MAGI2: variants seen among roughly 807,000 people sequenced by gnomAD.
MAGI2 encodes membrane-associated guanylate kinase, WW and PDZ domain-containing protein 2.
MAGI2 carries 35 observed loss-of-function variants against 133.3 expected under a neutral mutation model. That is an observed-to-expected ratio of 0.26 (90% CI 0.20 to 0.35). MAGI2 has a LOEUF of 0.35. Ranked by LOEUF, MAGI2 falls within the 10% of genes least tolerant of loss-of-function variation. The pLI is 1.00. For missense variants in MAGI2, 1,636 were observed against 1,863.4 expected (o/e 0.88, Z 2.25); for synonymous variants, 729 against 710.6 (o/e 1.03, Z -0.41).
At chr7:78,443,083 T>G (rs1787782117) in intron 6 of MAGI2, among the ~76,000 whole-genome samples, 1 of 131,440 alleles carries the variant, frequency 7.6e-6, no homozygotes, top group Non-Finnish European at 1.6e-5. Context: ...TGTGGCCCTG[T>G]GCGTCCCTTC....
chr7:78,821,705 C>T (rs1046433718), intron 2 of MAGI2, among the ~76,000 whole-genome samples: 1 of 151,888 alleles, frequency 6.6e-6, no homozygotes, highest in African/African-American at 2.4e-5. Context: ...TTCATTTCCT[C>T]TCTCTAATGT....
chr7:79,417,622 C>G (rs1846625534), intron 1 of MAGI2, among the ~76,000 whole-genome samples: 1 of 152,038 alleles, frequency 6.6e-6, no homozygotes, highest in South Asian at 2.1e-4. Context: ...GATACAGTAA[C>G]ATATTTGCTG....
At chr7:78,037,232 G>T (rs1316944907) in intron 21 of MAGI2, among the ~76,000 whole-genome samples, 1 of 152,126 alleles carries the variant, frequency 6.6e-6, no homozygotes, top group Non-Finnish European at 1.5e-5. Context: ...TAGGGTGGGG[G>T]TGGAGTGGTG....
chr7:78,914,517 C>T (rs1475853565), intron 2 of MAGI2, among the ~76,000 whole-genome samples: 1 of 151,990 alleles, frequency 6.6e-6, no homozygotes, highest in Admixed American at 6.6e-5. Flanking sequence ...CTTTTGTGCC[C>T]TGGAGTAACT....
At chr7:78,933,961 G>C (rs1800328347) in intron 2 of MAGI2, among the ~76,000 whole-genome samples, 1 of 152,046 alleles carries the variant, frequency 6.6e-6, no homozygotes, top group Admixed American at 6.6e-5. Context: ...TAAAAATACA[G>C]TGTACAATAA....
chr7:79,119,906 C>G lies in MAGI2; in HGVS notation c.302-112700G>C, dbSNP rs73703634. 4.8e-3 allele frequency among the ~76,000 whole-genome samples: 725 copies of G among 152,190 alleles called. 5 individuals are homozygous for G. Among genetic ancestry groups the G allele is most frequent in the African/African-American group, 0.017 (692 of 41,564 alleles). On this transcript the variant is annotated intron_variant, in intron 1 of 21. Transcript: ENST00000354212. ...AAACATAGAAACTAAAAGAAACTCT[C>G]TGATTAAGAGCATTAACGATAAGGT...
chr7:78,292,904 C>T (rs993183471), intron 9 of MAGI2, among the ~76,000 whole-genome samples: 7 of 152,252 alleles, frequency 4.6e-5, no homozygotes, highest in African/African-American at 1.7e-4. Flanking sequence ...AAACTGGACC[C>T]CTTCCTTACA....
intron 2 of MAGI2, among the ~76,000 whole-genome samples, chr7:78,722,604 A>C (rs1448858047): frequency 1.3e-5 from 2 of 152,090 alleles, no homozygotes; most frequent in Non-Finnish European, 2.9e-5. Context: ...CTCTGGCTTC[A>C]TTTTCAGGCA....
intron 2 of MAGI2, among the ~76,000 whole-genome samples, chr7:79,004,751 T>C (rs1180143022): frequency 6.6e-6 from 1 of 152,050 alleles, no homozygotes; most frequent in East Asian, 1.9e-4. Flanking sequence ...AATTAGAAAT[T>C]CAAAAAAGAT....
intron 6 of MAGI2, among the ~76,000 whole-genome samples, chr7:78,389,365 T>A (rs898909641): frequency 1.3e-5 from 2 of 152,178 alleles, no homozygotes; most frequent in African/African-American, 4.8e-5. Context: ...GCTATTGAGT[T>A]CTGAAGAATA....
intron 2 of MAGI2, among the ~76,000 whole-genome samples, chr7:78,706,154 C>T (rs562895921): frequency 2.0e-5 from 3 of 152,068 alleles, no homozygotes; most frequent in Non-Finnish European, 2.9e-5. Context: ...GTGTCCCCCC[C>T]CAAATCTCAA....
intron 3 of MAGI2, among the ~76,000 whole-genome samples, chr7:78,527,005 T>A (rs1797011909): frequency 6.1e-4 from 3 of 4,906 alleles, no homozygotes; most frequent in East Asian, 5.3e-3. Flanking sequence ...AGACTCCATC[T>A]CAAAAAAAAA....
intron 2 of MAGI2, chr7:78,771,209 G>A: frequency 6.6e-6 from 1 of 150,982 alleles, no homozygotes; most frequent in Non-Finnish European, 1.5e-5. Flanking sequence ...CTCTCCCTCC[G>A]TTTCCCTTTC....
chr7:78,535,832 C>A (rs12668399), intron 3 of MAGI2, among the ~76,000 whole-genome samples: 7,161 of 151,872 alleles, frequency 0.047, 644 homozygotes, highest in East Asian at 0.4. Context: ...TCAGCTGACA[C>A]CACCTAGATC....
At chr7:78,190,532 A>T (rs1223172843) in intron 12 of MAGI2, among the ~76,000 whole-genome samples, 3 of 152,170 alleles carry the variant, frequency 2.0e-5, no homozygotes, top group East Asian at 1.9e-4. Context: ...TCACGCCAGG[A>T]CAGCACAGAC....
rs538198747 is a variant in MAGI2, at chr7:79,166,709, A to G, written c.302-159503T>C. 1.5e-3 allele frequency among the ~76,000 whole-genome samples: 228 copies of G among 152,224 alleles called. 1 individual carries two copies. The highest frequency in any genetic ancestry group is 4.2e-3 in the South Asian group (20 of 4,818). ...ATCCTTATCTTTAGCAAATGAAAAT[A>G]TGGTTAGATAATTCAGTTTAAATTT... On this transcript the variant is annotated intron_variant, in intron 1 of 21. Transcript: ENST00000354212.
intron 1 of MAGI2, among the ~76,000 whole-genome samples, chr7:79,082,693 C>T (rs904857892): frequency 6.6e-6 from 1 of 152,060 alleles, no homozygotes; most frequent in East Asian, 1.9e-4. Context: ...TCAGGGACCC[C>T]TGAGATTCCA....
At chr7:78,644,079 TAAAG>T (rs1370139462) in intron 2 of MAGI2, among the ~76,000 whole-genome samples, 2 of 151,890 alleles carry the variant, frequency 1.3e-5, no homozygotes, top group Admixed American at 6.6e-5. Flanking sequence ...TTAACAGTGA[TAAAG>T]AAATTCATTT....
At chr7:78,784,474 T>C (rs1650135505) in intron 2 of MAGI2, among the ~76,000 whole-genome samples, 1 of 152,210 alleles carries the variant, frequency 6.6e-6, no homozygotes, top group Admixed American at 6.5e-5. Context: ...AAACTAGTTA[T>C]CACTCTAACT....
Sources: gnomAD v4.1 joint callset for allele counts (sites outside exome capture counted in the v4.1 genomes callset) on GRCh38, gnomAD v4.1.1 for gene constraint, MANE v1.5 for transcripts, NCBI Gene and HGNC (gene_info 2026-07-23, HGNC 2026-07-21) for gene names.